MAF: variants seen among roughly 807,000 people sequenced by gnomAD.
MAF encodes the protein MAF bZIP transcription factor, also known as transcription factor Maf.
In MAF, 10 loss-of-function variants were observed where a neutral mutation model predicts 22.0. That is an observed-to-expected ratio of 0.45 (90% CI 0.28 to 0.77). The LOEUF (loss-of-function observed/expected upper bound fraction) is 0.77. MAF is among the 30% of genes least tolerant of loss of function. The probability of loss-of-function intolerance (pLI) is 0.12; values close to 1 mark genes in which losing one functional copy is unlikely to be tolerated. For synonymous variants in MAF, 337 were observed against 255.8 expected (o/e 1.32, Z -3.03); for missense variants, 544 against 548.4 (o/e 0.99, Z 0.08).
At chr16:79,488,690 C>A in the MAF span, among the ~76,000 whole-genome samples, 1 of 152,142 alleles carries the variant, frequency 6.6e-6, no homozygotes, top group South Asian at 2.1e-4. Context: ...GGGGACAATG[C>A]ATCTCAGCCA....
the MAF span, among the ~76,000 whole-genome samples, chr16:79,274,697 T>C: frequency 1.4e-4 from 21 of 152,254 alleles, no homozygotes; most frequent in African/African-American, 5.1e-4. Flanking sequence ...AGAATGGTCT[T>C]TGTACCATCA....
At chr16:79,540,562 G>T in the MAF span, among the ~76,000 whole-genome samples, 1 of 152,168 alleles carries the variant, frequency 6.6e-6, no homozygotes, top group Non-Finnish European at 1.5e-5. Context: ...CCTGCTCATG[G>T]TCAACAATGC....
At chr16:79,262,657 T>C in the MAF span, among the ~76,000 whole-genome samples, 3 of 152,126 alleles carry the variant, frequency 2.0e-5, no homozygotes, top group African/African-American at 7.2e-5. Flanking sequence ...TGCTGGGCCC[T>C]TACAGTCTTA....
the MAF span, among the ~76,000 whole-genome samples, chr16:79,360,939 A>C: frequency 3.3e-5 from 5 of 152,182 alleles, no homozygotes; most frequent in African/African-American, 9.6e-5. Flanking sequence ...TGTTAGCTGG[A>C]AGTCGGCCAT....
chr16:79,542,781 G>C, the MAF span, among the ~76,000 whole-genome samples: 1 of 152,194 alleles, frequency 6.6e-6, no homozygotes, highest in Non-Finnish European at 1.5e-5. Flanking sequence ...TCACTGAACT[G>C]CTCCTGGCCT....
chr16:79,243,052 T>C, the MAF span, among the ~76,000 whole-genome samples: 1 of 151,972 alleles, frequency 6.6e-6, no homozygotes, highest in African/African-American at 2.4e-5. Flanking sequence ...TGTAAAGCAG[T>C]ATGCAGAGGG....
chr16:79,211,459 C>T, the MAF span: 6 of 962,158 alleles, frequency 6.2e-6, no homozygotes, highest in Admixed American at 2.0e-5. Context: ...CAGTCATGTG[C>T]TTTCAGCCCA....
the MAF span, among the ~76,000 whole-genome samples, chr16:79,321,844 C>T: frequency 5.3e-5 from 8 of 151,790 alleles, no homozygotes; most frequent in African/African-American, 7.2e-5. Flanking sequence ...TGTGAACCAC[C>T]GTGCCCGGCT....
the MAF span, among the ~76,000 whole-genome samples, chr16:79,336,924 G>T: frequency 6.6e-6 from 1 of 152,148 alleles, no homozygotes; most frequent in African/African-American, 2.4e-5. Flanking sequence ...TGTACAAGAC[G>T]TTGTGAGAGG....
chr16:79,272,483 T>A, the MAF span, among the ~76,000 whole-genome samples: 4 of 152,148 alleles, frequency 2.6e-5, no homozygotes, highest in Non-Finnish European at 5.9e-5. Context: ...GTGGGAGCTT[T>A]CATCTCTGCA....
the MAF span, among the ~76,000 whole-genome samples, chr16:79,529,266 C>T: frequency 2.0e-5 from 3 of 152,180 alleles, no homozygotes; most frequent in Non-Finnish European, 4.4e-5. Flanking sequence ...GGAGATTATA[C>T]TTTGGAGTCA....
At chr16:79,545,182 GA>G in the MAF span, among the ~76,000 whole-genome samples, 254 of 151,884 alleles carry the variant, frequency 1.7e-3, 1 homozygote, top group African/African-American at 5.8e-3. Flanking sequence ...TAATGTGGAG[GA>G]AAAAAAAGTG....
chr16:79,470,643 A>G, the MAF span, among the ~76,000 whole-genome samples: 1 of 152,180 alleles, frequency 6.6e-6, no homozygotes, highest in Non-Finnish European at 1.5e-5. Context: ...TATTCTTCCC[A>G]TTTATCAGCT....
chr16:79,390,449 C>G, the MAF span, among the ~76,000 whole-genome samples: 3 of 152,150 alleles, frequency 2.0e-5, no homozygotes, highest in Non-Finnish European at 4.4e-5. Flanking sequence ...TCTCTCTCTA[C>G]TTTTATGATT....
the MAF span, among the ~76,000 whole-genome samples, chr16:79,559,870 GT>G: frequency 6.6e-6 from 1 of 152,092 alleles, no homozygotes; most frequent in Non-Finnish European, 1.5e-5. Context: ...TGCTGCTTTG[GT>G]TTTATTTGTG....
chr16:79,548,917 G>T, the MAF span, among the ~76,000 whole-genome samples: 1 of 152,112 alleles, frequency 6.6e-6, no homozygotes, highest in Non-Finnish European at 1.5e-5. Flanking sequence ...AATAAAAGAA[G>T]GATATTCACT....
At chr16:79,258,872 A>T in the MAF span, among the ~76,000 whole-genome samples, 5 of 152,148 alleles carry the variant, frequency 3.3e-5, no homozygotes, top group African/African-American at 4.8e-5. Flanking sequence ...TAGATGTCAG[A>T]CTGCCCACTG....
the MAF span, among the ~76,000 whole-genome samples, chr16:79,357,356 A>G: frequency 6.6e-6 from 1 of 152,230 alleles, no homozygotes; most frequent in Non-Finnish European, 1.5e-5. Context: ...AGGCTGAGGC[A>G]GGAGAGTTGC....
chr16:79,522,612 A>G, the MAF span, among the ~76,000 whole-genome samples: 2 of 152,176 alleles, frequency 1.3e-5, no homozygotes, highest in African/African-American at 2.4e-5. Context: ...AGACAAATGC[A>G]TGCACAGTTC....
Sources: allele counts gnomAD v4.1 joint callset (sites outside exome capture counted in the v4.1 genomes callset), GRCh38; gene constraint gnomAD v4.1.1; transcripts MANE v1.5; gene names NCBI Gene and HGNC (gene_info 2026-07-23, HGNC 2026-07-21).